Variants in SCHIP1 observed in about 807,000 individuals in gnomAD.
The protein encoded by SCHIP1 is schwannomin-interacting protein 1.
In SCHIP1, 8 loss-of-function variants were observed where a neutral mutation model predicts 29.7. The ratio of observed to expected loss-of-function variants is 0.27; its 90% confidence interval spans 0.16 to 0.49. The LOEUF (loss-of-function observed/expected upper bound fraction) is 0.49. Ranked by LOEUF, SCHIP1 falls within the 20% of genes least tolerant of loss-of-function variation. The pLI is 0.99. For synonymous variants in SCHIP1, 76 were observed against 94.9 expected, an observed-to-expected ratio of 0.80 and a Z score of 1.16; for missense variants, 193 against 294.6, an observed-to-expected ratio of 0.66 and a Z score of 2.52.
the SCHIP1 span, among the ~76,000 whole-genome samples, chr3:159,742,920 C>T: frequency 4.0e-5 from 6 of 148,970 alleles, no homozygotes; most frequent in African/African-American, 1.0e-4. Context: ...CTCCTGACCT[C>T]AGGTGATCCA....
chr3:159,717,459 T>G, the SCHIP1 span, among the ~76,000 whole-genome samples: 1 of 151,958 alleles, frequency 6.6e-6, no homozygotes, highest in African/African-American at 2.4e-5. Context: ...TTTGAAAAGA[T>G]CAACAAAATT....
the SCHIP1 span, among the ~76,000 whole-genome samples, chr3:159,672,277 T>C: frequency 2.0e-5 from 3 of 152,224 alleles, no homozygotes; most frequent in East Asian, 1.9e-4. Flanking sequence ...TCTTGGAACA[T>C]AGTAAGCACT....
At chr3:159,440,099 C>A in the SCHIP1 span, among the ~76,000 whole-genome samples, 2 of 152,094 alleles carry the variant, frequency 1.3e-5, no homozygotes, top group Non-Finnish European at 2.9e-5. Flanking sequence ...GGAAGGGATC[C>A]AGTTTCAATT....
At chr3:159,548,422 C>T in the SCHIP1 span, among the ~76,000 whole-genome samples, 1 of 151,888 alleles carries the variant, frequency 6.6e-6, no homozygotes, top group East Asian at 1.9e-4. Flanking sequence ...CTAAGAGCTA[C>T]AGAATCTATA....
the SCHIP1 span, among the ~76,000 whole-genome samples, chr3:159,445,175 T>C: frequency 1.3e-4 from 19 of 151,750 alleles, no homozygotes; most frequent in African/African-American, 4.4e-4. Flanking sequence ...CAAACAAATT[T>C]ACAAGAAAAA....
chr3:159,666,214 T>A, the SCHIP1 span, among the ~76,000 whole-genome samples: 1 of 152,182 alleles, frequency 6.6e-6, no homozygotes, highest in Non-Finnish European at 1.5e-5. Context: ...AGCAACTCCA[T>A]AGATTGCAAA....
the SCHIP1 span, among the ~76,000 whole-genome samples, chr3:159,502,473 T>C: frequency 2.0e-5 from 3 of 146,352 alleles, no homozygotes; most frequent in African/African-American, 7.4e-5. Flanking sequence ...ATCAGCTTCA[T>C]TTCTTTTTTT....
At chr3:159,682,996 A>G in the SCHIP1 span, among the ~76,000 whole-genome samples, 1 of 152,212 alleles carries the variant, frequency 6.6e-6, no homozygotes, top group Non-Finnish European at 1.5e-5. Flanking sequence ...GGTGTTAAAA[A>G]TTCAGATTCC....
chr3:159,811,075 T>C, the SCHIP1 span, among the ~76,000 whole-genome samples: 1 of 152,240 alleles, frequency 6.6e-6, no homozygotes, highest in African/African-American at 2.4e-5. Context: ...GAGCACCTTT[T>C]CAAATGCTTA....
the SCHIP1 span, among the ~76,000 whole-genome samples, chr3:159,574,056 A>G: frequency 6.6e-6 from 1 of 152,182 alleles, no homozygotes; most frequent in African/African-American, 2.4e-5. Flanking sequence ...GGGTTTGAAC[A>G]TCCTCCTTTG....
the SCHIP1 span, among the ~76,000 whole-genome samples, chr3:159,335,792 C>T: frequency 0.039 from 5,893 of 152,130 alleles, 287 homozygotes; most frequent in African/African-American, 0.11. Flanking sequence ...TGAATAGTGC[C>T]GCAATAAGCA....
chr3:159,306,750 G>A, the SCHIP1 span: 1 of 160,616 alleles, frequency 6.2e-6, no homozygotes, highest in Non-Finnish European at 1.3e-5. Flanking sequence ...TACCAGGGAG[G>A]CAGGAGTCTG....
chr3:159,393,802 T>C, the SCHIP1 span, among the ~76,000 whole-genome samples: 1 of 151,990 alleles, frequency 6.6e-6, no homozygotes, highest in Non-Finnish European at 1.5e-5. Flanking sequence ...TGCGGGCTCT[T>C]TTTTGGTTCC....
At chr3:159,798,128 G>C in the SCHIP1 span, among the ~76,000 whole-genome samples, 1 of 152,156 alleles carries the variant, frequency 6.6e-6, no homozygotes, top group African/African-American at 2.4e-5. Flanking sequence ...TAATACAGGA[G>C]CTCAGTTCAA....
the SCHIP1 span, among the ~76,000 whole-genome samples, chr3:159,330,860 T>A: frequency 6.6e-6 from 1 of 152,190 alleles, no homozygotes; most frequent in Non-Finnish European, 1.5e-5. Context: ...AGTTTTTTTC[T>A]CTTTTACTTT....
At chr3:159,554,298 T>A in the SCHIP1 span, among the ~76,000 whole-genome samples, 1 of 152,186 alleles carries the variant, frequency 6.6e-6, no homozygotes, top group Non-Finnish European at 1.5e-5. Context: ...GTACTCTGCC[T>A]GTCTCCCTAA....
intron 1 of SCHIP1, among the ~76,000 whole-genome samples, chr3:159,848,658 A>T (rs1364991684): frequency 6.6e-6 from 1 of 151,782 alleles, no homozygotes; most frequent in Non-Finnish European, 1.5e-5. Context: ...CAAAAATCCT[A>T]GGGGTCTCTC....
the SCHIP1 span, among the ~76,000 whole-genome samples, chr3:159,746,699 C>A: frequency 6.6e-6 from 1 of 151,994 alleles, no homozygotes; most frequent in Non-Finnish European, 1.5e-5. Context: ...CCATTTCCAG[C>A]CTCTTTCCCT....
At chr3:159,465,013 T>C in the SCHIP1 span, among the ~76,000 whole-genome samples, 1 of 152,124 alleles carries the variant, frequency 6.6e-6, no homozygotes, top group Non-Finnish European at 1.5e-5. Flanking sequence ...CCTTCCTTCC[T>C]GCATGAAAGC....
Sources: allele counts gnomAD v4.1 joint callset (sites outside exome capture counted in the v4.1 genomes callset), GRCh38; gene constraint gnomAD v4.1.1; transcripts MANE v1.5; gene names NCBI Gene and HGNC (gene_info 2026-07-23, HGNC 2026-07-21).